The following CERS6 variants were observed in gnomAD, a reference collection of about 807,000 sequenced individuals.
The protein encoded by CERS6 is LAG1 homolog, ceramide synthase 6.
Under a neutral mutation model 56.8 loss-of-function variants are expected in CERS6, and 26 were observed. The ratio of observed to expected loss-of-function variants is 0.46; its 90% CI spans 0.34 to 0.63. The LOEUF is 0.63. CERS6 is among the 30% of genes least tolerant of loss of function. CERS6 has a pLI of 0.01. For missense variants in CERS6, 415 were observed against 467.5 expected, an observed-to-expected ratio of 0.89 and a Z score of 1.04; for synonymous variants, 164 against 173.3, an observed-to-expected ratio of 0.95 and a Z score of 0.42.
At chr2:168,588,879 C>T (rs1285468885) in intron 3 of CERS6, among the ~76,000 whole-genome samples, 1 of 152,224 alleles carries the variant, frequency 6.6e-6, no homozygotes, top group Non-Finnish European at 1.5e-5. Context: ...GCTGGGACTA[C>T]AGGCATGTGC....
intron 1 of CERS6, among the ~76,000 whole-genome samples, chr2:168,521,826 G>C (rs767140854): frequency 6.6e-6 from 1 of 152,204 alleles, no homozygotes; most frequent in Non-Finnish European, 1.5e-5. Context: ...ATTAGAAATG[G>C]AATAGCCTTT....
At chr2:168,645,879 T>A (rs1685187350) in intron 4 of CERS6, among the ~76,000 whole-genome samples, 2 of 152,106 alleles carry the variant, frequency 1.3e-5, no homozygotes, top group Admixed American at 1.3e-4. Context: ...CTTGTTCTTT[T>A]TTCTGGCTGC....
At chr2:168,492,538 C>T (rs1173500951) in intron 1 of CERS6, among the ~76,000 whole-genome samples, 2 of 152,146 alleles carry the variant, frequency 1.3e-5, no homozygotes, top group African/African-American at 4.8e-5. Flanking sequence ...GGATAGATTG[C>T]AAAAATTTTC....
At chr2:168,547,566 C>A (rs759228853) in intron 1 of CERS6, 30 bp from the exon 2 acceptor site, 15 of 1,393,544 alleles carry the variant, frequency 1.1e-5, no homozygotes, top group Non-Finnish European at 1.5e-5. Context: ...AAATTCTGAC[C>A]TTCTACTTTT....
chr2:168,680,631 A>C (rs1285920768), intron 4 of CERS6, among the ~76,000 whole-genome samples: 1 of 151,226 alleles, frequency 6.6e-6, no homozygotes, highest in Non-Finnish European at 1.5e-5. Flanking sequence ...TGATATTAAG[A>C]GGTGGGACCT....
At chr2:168,678,725 A>G (rs773418137) in intron 4 of CERS6, among the ~76,000 whole-genome samples, 18 of 152,178 alleles carry the variant, frequency 1.2e-4, no homozygotes, top group Non-Finnish European at 2.1e-4. Flanking sequence ...AGACCTTTGT[A>G]TTAGTCACTA....
At position 168,771,774 on chromosome 2, in the gene CERS6, A is replaced by G. The variant is rs193110131; in HGVS notation, c.*2112A>G. ...ACTCGAGCACAGAAGAATAATTTCAAGGAGGTCATCTTGTAAATTAAAGGT... is the reference window on the plus strand; with the variant it reads ...ACTCGAGCACAGAAGAATAATTTCAGGGAGGTCATCTTGTAAATTAAAGGT... On this transcript the variant is annotated 3_prime_UTR_variant, in exon 10 of 10. Transcript: ENST00000305747. The G allele has an allele frequency of 2.0e-5, 3 of 152,332 alleles. No homozygotes were observed. Among genetic ancestry groups the G allele is most frequent in the Admixed American group, 1.3e-4 (2 of 15,300 alleles). The allele number at this position is 152,332 out of a possible 1,614,324, so 9.4% of individuals were successfully genotyped here.
intron 3 of CERS6, among the ~76,000 whole-genome samples, chr2:168,606,822 G>A (rs1333164214): frequency 1.3e-5 from 2 of 152,178 alleles, no homozygotes; most frequent in Non-Finnish European, 2.9e-5. Context: ...CCTTGGTACT[G>A]TCATTGCAAT....
At chr2:168,558,256 C>T (rs1453434525) in intron 2 of CERS6, among the ~76,000 whole-genome samples, 6 of 152,158 alleles carry the variant, frequency 3.9e-5, no homozygotes, top group Non-Finnish European at 4.4e-5. Context: ...ACAACTTTCA[C>T]TTTCAGGAAC....
intron 9 of CERS6, among the ~76,000 whole-genome samples, chr2:168,766,129 G>GA (rs1368816082): frequency 2.0e-5 from 3 of 152,114 alleles, no homozygotes; most frequent in African/African-American, 7.2e-5. Context: ...CTTTCAAACT[G>GA]AAAAACAAAT....
intron 3 of CERS6, among the ~76,000 whole-genome samples, chr2:168,596,080 C>G (rs1287721989): frequency 6.7e-5 from 1 of 14,834 alleles, no homozygotes; most frequent in Non-Finnish European, 1.5e-4. Flanking sequence ...GAGACCCTGT[C>G]TCAAAAAAAA....
intron 1 of CERS6, among the ~76,000 whole-genome samples, chr2:168,545,197 AT>A (rs960412255): frequency 4.6e-5 from 7 of 152,150 alleles, no homozygotes; most frequent in Non-Finnish European, 8.8e-5. Flanking sequence ...AATTATAATA[AT>A]TTTTTCACAT....
intron 6 of CERS6, among the ~76,000 whole-genome samples, chr2:168,702,735 A>C (rs190852113): frequency 6.6e-6 from 1 of 152,216 alleles, no homozygotes; most frequent in Non-Finnish European, 1.5e-5. Flanking sequence ...TATTGATATG[A>C]TTTTAGATTC....
chr2:168,678,592 A>G (rs1574153683), intron 4 of CERS6, among the ~76,000 whole-genome samples: 1 of 152,152 alleles, frequency 6.6e-6, no homozygotes. Context: ...CTGTCTGTAC[A>G]CAGTAATTAC....
At chr2:168,738,110 A>G (rs1303984225) in intron 8 of CERS6, among the ~76,000 whole-genome samples, 1 of 152,256 alleles carries the variant, frequency 6.6e-6, no homozygotes, top group Non-Finnish European at 1.5e-5. Flanking sequence ...TTTCAGTTAT[A>G]AAGGTTACAC....
At chr2:168,621,486 A>T (rs1684470382) in intron 3 of CERS6, among the ~76,000 whole-genome samples, 1 of 152,228 alleles carries the variant, frequency 6.6e-6, no homozygotes, top group Non-Finnish European at 1.5e-5. Flanking sequence ...GGGGAATTCT[A>T]GAAGTAACGA....
intron 3 of CERS6, among the ~76,000 whole-genome samples, chr2:168,622,642 ATGGGTTTGACT>A (rs1418723065): frequency 7.2e-5 from 11 of 152,236 alleles, no homozygotes; most frequent in Admixed American, 2.0e-4. Flanking sequence ...GAATAGGTGA[ATGGGTTTGACT>A]TACCTCCAAC....
chr2:168,547,471 G>A lies in CERS6; in HGVS notation c.171-125G>A, dbSNP rs556929014. 2.0e-4 allele frequency: 133 copies of A among 674,876 alleles called. 1 individual carries two copies. The South Asian group carries it at 2.1e-3, about 11-fold the overall frequency. The allele number at this position is 674,876 out of a possible 1,614,324, so 41.8% of individuals were successfully genotyped here. A position where few individuals can be genotyped will look rare whatever the true frequency, so the allele number is the denominator to read the frequency against. On this transcript the variant is annotated intron_variant, in intron 1 of 9. Transcript: ENST00000305747. ...AGTTACTGACAGGAGTGTTGACAAT[G>A]TACACCCATGAAATCCTACCAACAC...
intron 8 of CERS6, among the ~76,000 whole-genome samples, chr2:168,728,625 A>G (rs1024882870): frequency 2.0e-5 from 3 of 151,100 alleles, no homozygotes; most frequent in African/African-American, 7.3e-5. Context: ...GACCTCAGGC[A>G]ATTACTCTTA....
Sources: allele counts gnomAD v4.1 joint callset (sites outside exome capture counted in the v4.1 genomes callset), GRCh38; gene constraint gnomAD v4.1.1; transcripts MANE v1.5; gene names NCBI Gene and HGNC (gene_info 2026-07-23, HGNC 2026-07-21).